The following IGSF21 variants were observed in gnomAD, a reference collection of about 807,000 sequenced individuals.
IGSF21 encodes the protein immunoglobin superfamily member 21, also known as immunoglobulin superfamily member 21.
IGSF21 carries 28 observed loss-of-function variants against 46.8 expected under a neutral mutation model. That is an observed-to-expected ratio of 0.60 (90% CI 0.44 to 0.82). IGSF21 has a LOEUF of 0.82. Among genes scored for constraint, IGSF21 ranks in the 40% least tolerant of loss-of-function variants. IGSF21 has a pLI of 0.00. For missense variants in IGSF21, 624 were observed against 665.5 expected (o/e 0.94, Z 0.69); for synonymous variants, 284 against 273.6 (o/e 1.04, Z -0.38).
chr1:18,329,300 C>T (rs1458474537), intron 3 of IGSF21, among the ~76,000 whole-genome samples: 2 of 152,180 alleles, frequency 1.3e-5, no homozygotes, highest in Non-Finnish European at 2.9e-5. Context: ...TTGGCACCTC[C>T]CCAGATGCTG....
chr1:18,225,863 G>C (rs2084561544), intron 1 of IGSF21, among the ~76,000 whole-genome samples: 1 of 152,234 alleles, frequency 6.6e-6, no homozygotes, highest in Non-Finnish European at 1.5e-5. Context: ...TAGCGTGGTG[G>C]TTGTCATGGA....
intron 1 of IGSF21, among the ~76,000 whole-genome samples, chr1:18,225,783 A>G (rs1214242250): frequency 6.6e-6 from 1 of 152,182 alleles, no homozygotes; most frequent in Non-Finnish European, 1.5e-5. Context: ...TAGGGCTGGA[A>G]GAAAAAAGTA....
Position 18,335,107 on chromosome 1 carries a change from T to G in IGSF21, c.424+97T>G. ...CACAGAGTGGCCATCCTGGGGGCCATCCACCAGAAGTTCTGTTGTGCTGGT... is the reference window on the plus strand; with the variant it reads ...CACAGAGTGGCCATCCTGGGGGCCAGCCACCAGAAGTTCTGTTGTGCTGGT... On this transcript the variant is annotated intron_variant, in intron 4 of 9. Transcript: ENST00000251296. The surrounding 1 kb of genome is among the most constrained non-coding windows in gnomAD (Gnocchi z 4.8). 2 of 925,818 alleles carry G rather than the reference T, an allele frequency of 2.2e-6. No individual in the cohort carries two copies. Among genetic ancestry groups the G allele is most frequent in the Non-Finnish European group, 3.5e-6 (2 of 576,888 alleles). The allele number at this position is 925,818 out of a possible 1,614,324, so 57.4% of individuals were successfully genotyped here. A position where few individuals can be genotyped will look rare whatever the true frequency, so the allele number is the denominator to read the frequency against.
intron 2 of IGSF21, among the ~76,000 whole-genome samples, chr1:18,289,840 C>G (rs1418998655): frequency 1.3e-5 from 2 of 152,188 alleles, no homozygotes; most frequent in African/African-American, 2.4e-5. Flanking sequence ...AATCACCCCC[C>G]AAGTGAAAAG....
chr1:18,282,309 G>A (rs2085168799), intron 2 of IGSF21, among the ~76,000 whole-genome samples: 1 of 152,156 alleles, frequency 6.6e-6, no homozygotes. Context: ...CGGGGAAACT[G>A]ACATTTTCAA....
rs191972245 is a variant in IGSF21 at position 18,115,806 on chromosome 1, G to A, written c.70+7608G>A. 7.6e-3 allele frequency: 1,138 copies of A among 150,198 alleles called. 6 individuals are homozygous for A. Among genetic ancestry groups the A allele is most frequent in the Middle Eastern group, 0.02 (6 of 296 alleles). 9.3% of individuals were successfully genotyped at this position (150,198 alleles called of 1,614,324 possible). A position where few individuals can be genotyped will look rare whatever the true frequency, so the allele number is the denominator to read the frequency against. On this transcript the variant is annotated intron_variant, in intron 1 of 9. Coordinates refer to ENST00000251296, the MANE Select transcript of IGSF21 (RefSeq NM_032880.5). ...GAAAGGAAGGAAAAAGGTTGAGAAG[G>A]GAGGGAGGAAGACAGGAAGGAAGGA...
intron 1 of IGSF21, chr1:18,179,136 C>A (rs1380573986): frequency 6.6e-6 from 1 of 152,222 alleles, no homozygotes. Context: ...TACGGAGCCA[C>A]CGACCATTGG....
chr1:18,260,490 G>A (rs1207656625), intron 2 of IGSF21, among the ~76,000 whole-genome samples: 1 of 152,254 alleles, frequency 6.6e-6, no homozygotes, highest in East Asian at 1.9e-4. Flanking sequence ...TTGCAGAGCA[G>A]GGCTACCCCA....
intron 2 of IGSF21, among the ~76,000 whole-genome samples, chr1:18,273,057 T>TTTTTTTTTTTTTC (rs2085058585): frequency 6.8e-6 from 1 of 147,124 alleles, no homozygotes; most frequent in Non-Finnish European, 1.5e-5. Flanking sequence ...TTTTTTTTTT[T>TTTTTTTTTTTTTC]TTTTTTTAGA....
chr1:18,307,312 C>G (rs79560482), intron 3 of IGSF21, among the ~76,000 whole-genome samples: 22 of 152,122 alleles, frequency 1.4e-4, no homozygotes, highest in Non-Finnish European at 3.1e-4. Flanking sequence ...CCCATGGGAG[C>G]GATGATATAG....
At chr1:18,137,404 C>T (rs1570257391) in intron 1 of IGSF21, among the ~76,000 whole-genome samples, 1 of 152,334 alleles carries the variant, frequency 6.6e-6, no homozygotes, top group African/African-American at 2.4e-5. Context: ...CCTGATCCCC[C>T]TGATCCCCCT....
intron 1 of IGSF21, among the ~76,000 whole-genome samples, chr1:18,224,112 G>A (rs139366078): frequency 2.6e-5 from 4 of 152,318 alleles, no homozygotes; most frequent in Middle Eastern, 3.4e-3. Context: ...CTCACTCTCA[G>A]GATGGTGCAA....
intron 1 of IGSF21, among the ~76,000 whole-genome samples, chr1:18,161,384 C>T (rs940352535): frequency 2.6e-5 from 4 of 152,140 alleles, no homozygotes; most frequent in Admixed American, 2.0e-4. Context: ...AGATAGGTCA[C>T]CAGCCCAGGC....
intron 2 of IGSF21, among the ~76,000 whole-genome samples, chr1:18,234,233 G>A (rs1323823786): frequency 2.0e-5 from 3 of 152,124 alleles, no homozygotes; most frequent in Non-Finnish European, 4.4e-5. Flanking sequence ...ACAAAAGCCA[G>A]GGTTGAGCCA....
At chr1:18,268,902 A>T (rs1473816861) in intron 2 of IGSF21, among the ~76,000 whole-genome samples, 1 of 152,144 alleles carries the variant, frequency 6.6e-6, no homozygotes, top group African/African-American at 2.4e-5. Context: ...ACAAGTTGAA[A>T]CACATATAGG....
At chr1:18,231,102 T>G (rs2084621933) in intron 2 of IGSF21, among the ~76,000 whole-genome samples, 1 of 152,104 alleles carries the variant, frequency 6.6e-6, no homozygotes, top group Admixed American at 6.5e-5. Flanking sequence ...CCAACCCCGT[T>G]AGAAGGAAGA....
intron 1 of IGSF21, among the ~76,000 whole-genome samples, chr1:18,191,314 T>C (rs1366336227): frequency 6.6e-6 from 1 of 152,086 alleles, no homozygotes; most frequent in Non-Finnish European, 1.5e-5. Flanking sequence ...AGGCAGTGGA[T>C]ATGAAAGAAT....
rs560942308 is a variant in IGSF21, at chr1:18,328,887, G to A, written c.306-6005G>A. 2.8e-4 allele frequency among the ~76,000 whole-genome samples: 42 copies of A among 152,288 alleles called. 1 individual carries two copies. The highest frequency in any genetic ancestry group is 2.7e-3 in the South Asian group (13 of 4,824). On this transcript the variant is annotated intron_variant, in intron 3 of 9. Coordinates refer to ENST00000251296, the MANE Select transcript of IGSF21 (RefSeq NM_032880.5). ...AAAGCTAAGCAGAGGCTGTAAACTC[G>A]TGTGGGGCGTGGAGAATGTGCACAG...
intron 1 of IGSF21, among the ~76,000 whole-genome samples, chr1:18,201,638 G>T (rs1179986976): frequency 1.3e-5 from 2 of 152,094 alleles, no homozygotes; most frequent in Admixed American, 6.6e-5. Context: ...GGACCCACCT[G>T]CTCTCCCTTC....
Sources: gnomAD v4.1 joint callset for allele counts (sites outside exome capture counted in the v4.1 genomes callset) on GRCh38, gnomAD v4.1.1 for gene constraint, Gnocchi (gnomAD v3.1) non-coding constraint, MANE v1.5 for transcripts, NCBI Gene and HGNC (gene_info 2026-07-23, HGNC 2026-07-21) for gene names.